The following PLXNA4 variants were observed in gnomAD, a reference collection of about 807,000 sequenced individuals.
PLXNA4 encodes the protein plexin A4.
A neutral mutation model predicts 191.8 loss-of-function variants in PLXNA4; 44 were observed. That is an observed-to-expected ratio of 0.23 (90% CI 0.18 to 0.29). The LOEUF is 0.29. PLXNA4 is among the 10% of genes least tolerant of loss of function. The pLI, the probability that PLXNA4 is intolerant of heterozygous loss-of-function variation, is 1.00. For missense variants in PLXNA4, 1,800 were observed against 2,488.8 expected, an observed-to-expected ratio of 0.72 and a Z score of 5.89; for synonymous variants, 1,082 against 1,009.5, an observed-to-expected ratio of 1.07 and a Z score of -1.36.
chr7:132,618,667 A>G (rs1379525411), intron 2 of PLXNA4, among the ~76,000 whole-genome samples: 1 of 152,226 alleles, frequency 6.6e-6, no homozygotes, highest in Non-Finnish European at 1.5e-5. Flanking sequence ...TTGTGAGGCA[A>G]GGAGCAGCCA....
intron 4 of PLXNA4, among the ~76,000 whole-genome samples, chr7:132,259,149 G>C (rs1294387612): frequency 6.6e-6 from 1 of 152,132 alleles, no homozygotes; most frequent in Non-Finnish European, 1.5e-5. Context: ...AGGGTTTAGA[G>C]TTCTTAGGAT....
At chr7:132,252,100 C>T (rs1799271219) in intron 4 of PLXNA4, among the ~76,000 whole-genome samples, 1 of 152,076 alleles carries the variant, frequency 6.6e-6, no homozygotes, top group African/African-American at 2.4e-5. Context: ...CCTAACTCTA[C>T]TGAACTTATA....
Position 132,505,173 on chromosome 7 carries a change from T to C in PLXNA4, c.1188+2333A>G, listed in dbSNP as rs147803649. On this transcript the variant is annotated intron_variant, in intron 2 of 31. Transcript: ENST00000321063. ...AAAGCCAAAAGAAAAATCAAAAGCT[T>C]GTTATCTTGCTCCATTACTCCCCGT... Among the ~76,000 whole-genome samples the C allele has an allele frequency of 1.3e-3, 203 of 152,338 alleles. 4 individuals are homozygous for C. The East Asian group carries it at 0.031, about 23-fold the overall frequency.
intron 3 of PLXNA4, among the ~76,000 whole-genome samples, chr7:132,481,155 C>T (rs1797318846): frequency 6.6e-6 from 1 of 151,848 alleles, no homozygotes; most frequent in Non-Finnish European, 1.5e-5. Context: ...TTTTCCTGTC[C>T]CTAAAGTGCT....
chr7:132,173,852 G>C (rs1796367286), intron 21 of PLXNA4, among the ~76,000 whole-genome samples: 1 of 152,172 alleles, frequency 6.6e-6, no homozygotes, highest in Admixed American at 6.5e-5. Context: ...TAGCTCCCCA[G>C]AAGTCCAGCA....
chr7:132,226,209 G>A lies in PLXNA4; in HGVS notation c.1934C>T (p.Thr645Ile). Residue 645 changes from threonine (T) to isoleucine (I), a missense_variant, in exon 8 of 32, where the codon ACC becomes ATC. Thr to Ile is a moderately conservative substitution (Grantham distance 89). This residue lies in a region of PLXNA4 where 1,397 missense variants were observed against 1,880.4 expected (regional missense o/e 0.74). Transcript: ENST00000321063. ...LQLKSKETGM[T>I]FASTSFVFYN... ...GAAGACAAAGCTGGTGCTGGCGAAG[G>A]TCATGCCGGTCTCCTTTGATTTGAG... is the stretch of plus-strand genomic sequence containing the variant. 6.2e-7 allele frequency: 1 copy of A among 1,613,990 alleles called. No homozygotes were observed. Among genetic ancestry groups the A allele is most frequent in the Non-Finnish European group, 8.5e-7 (1 of 1,179,974 alleles).
intron 3 of PLXNA4, among the ~76,000 whole-genome samples, chr7:132,396,526 T>C (rs1793769727): frequency 1.3e-5 from 2 of 152,318 alleles, no homozygotes; most frequent in South Asian, 4.1e-4. Context: ...AGTCAACCCC[T>C]ATCACCAAGT....
chr7:132,287,939 C>G (rs910986207), intron 4 of PLXNA4, among the ~76,000 whole-genome samples: 1 of 152,212 alleles, frequency 6.6e-6, no homozygotes, highest in African/African-American at 2.4e-5. Flanking sequence ...CTCCACCACC[C>G]CATCCCCAGA....
intron 3 of PLXNA4, chr7:132,385,403 T>C: frequency 7.2e-7 from 1 of 1,383,082 alleles, no homozygotes; most frequent in Non-Finnish European, 9.5e-7. Context: ...TGTATTACAG[T>C]TCTGAAATAC....
intron 1 of PLXNA4, among the ~76,000 whole-genome samples, chr7:132,517,643 CTCTTTAGATG>C (rs1563147255): frequency 6.6e-6 from 1 of 152,300 alleles, no homozygotes; most frequent in East Asian, 1.9e-4. Context: ...AGGAAGAGTT[CTCTTTAGATG>C]TCAGCAGCCC....
At chr7:132,543,030 C>T (rs952855342) in intron 1 of PLXNA4, among the ~76,000 whole-genome samples, 1 of 152,042 alleles carries the variant, frequency 6.6e-6, no homozygotes, top group Non-Finnish European at 1.5e-5. Context: ...TGACTTATTT[C>T]CTTGTGTGTC....
chr7:132,133,549 G>A (rs1399359832), intron 30 of PLXNA4, among the ~76,000 whole-genome samples: 2 of 152,006 alleles, frequency 1.3e-5, no homozygotes, highest in African/African-American at 2.4e-5. Flanking sequence ...TTTCTCTAAC[G>A]CCCCTCCCAC....
chr7:132,219,475 C>T (rs941209699), intron 9 of PLXNA4, among the ~76,000 whole-genome samples: 3 of 152,204 alleles, frequency 2.0e-5, no homozygotes, highest in Non-Finnish European at 4.4e-5. Context: ...CATAGATCTT[C>T]TTCACCTTTA....
intron 3 of PLXNA4, among the ~76,000 whole-genome samples, chr7:132,451,116 C>T (rs879834382): frequency 5.3e-5 from 8 of 152,154 alleles, no homozygotes; most frequent in Non-Finnish European, 1.0e-4. Context: ...TATGGAAGAC[C>T]GTGTCTAAGG....
intron 2 of PLXNA4, among the ~76,000 whole-genome samples, chr7:132,629,847 T>C (rs535514010): frequency 6.6e-6 from 1 of 150,796 alleles, no homozygotes; most frequent in South Asian, 2.1e-4. Context: ...TGTTCTCTAG[T>C]GTCTCTTCTC....
intron 3 of PLXNA4, among the ~76,000 whole-genome samples, chr7:132,337,099 C>A (rs1219272463): frequency 1.3e-5 from 2 of 152,214 alleles, no homozygotes; most frequent in African/African-American, 4.8e-5. Context: ...TGCATAAAAG[C>A]GGTGGCAATG....
chr7:132,461,461 C>A (rs1796499384), intron 3 of PLXNA4, among the ~76,000 whole-genome samples: 1 of 151,968 alleles, frequency 6.6e-6, no homozygotes, highest in East Asian at 1.9e-4. Flanking sequence ...TACAAGGAGC[C>A]CTCCAAAGAG....
intron 13 of PLXNA4, among the ~76,000 whole-genome samples, chr7:132,195,417 A>G (rs986588804): frequency 6.6e-6 from 1 of 152,250 alleles, no homozygotes; most frequent in African/African-American, 2.4e-5. Flanking sequence ...TAATTCTGCA[A>G]AATGAACCAA....
intron 4 of PLXNA4, among the ~76,000 whole-genome samples, chr7:132,252,672 T>C (rs1247338947): frequency 2.0e-5 from 3 of 152,318 alleles, no homozygotes; most frequent in South Asian, 2.1e-4. Context: ...GAGGAGTAAT[T>C]TGGCAGTTAT....
Sources: allele counts gnomAD v4.1 joint callset (sites outside exome capture counted in the v4.1 genomes callset), GRCh38; gene constraint gnomAD v4.1.1; regional missense constraint gnomAD v4.1.1; transcripts MANE v1.5; gene names NCBI Gene and HGNC (gene_info 2026-07-23, HGNC 2026-07-21).